The following TRIM48 variants were observed in gnomAD, a reference collection of about 807,000 sequenced individuals.
TRIM48 encodes E3 ubiquitin-protein ligase TRIM48.
TRIM48 carries 31 observed loss-of-function variants against 29.5 expected under a neutral mutation model. The observed-to-expected ratio is 1.05, with a 90% CI of 0.79 to 1.42. TRIM48 has a LOEUF of 1.42. Ranked by LOEUF, TRIM48 falls within the 40% of genes most tolerant of loss-of-function variation. The probability of loss-of-function intolerance (pLI) is 0.00; values close to 1 mark genes in which losing one functional copy is unlikely to be tolerated. For missense variants in TRIM48, 344 were observed against 265.0 expected, an observed-to-expected ratio of 1.30 and a Z score of -2.07; for synonymous variants, 128 against 90.6, an observed-to-expected ratio of 1.41 and a Z score of -2.34.
intron 1 of TRIM48, among the ~76,000 whole-genome samples, chr11:55,263,218 T>C (rs553070150): frequency 5.9e-5 from 9 of 152,306 alleles, no homozygotes; most frequent in African/African-American, 1.2e-4. Context: ...ACCACTGTGT[T>C]ACAATTGCCT....
intron 5 of TRIM48, among the ~76,000 whole-genome samples, chr11:55,270,011 A>G (rs1296973710): frequency 6.8e-6 from 1 of 148,102 alleles, no homozygotes; most frequent in Non-Finnish European, 1.5e-5. Flanking sequence ...ATGGATTTTT[A>G]TCCAGTTATC....
intron 4 of TRIM48, 32 bp downstream of exon 4, chr11:55,268,404 C>T (rs753372413): frequency 6.6e-7 from 1 of 1,526,082 alleles, no homozygotes; most frequent in South Asian, 1.3e-5. Context: ...AGCATATGTT[C>T]TTTCACTTTC....
Position 55,269,235 on chromosome 11 carries a change from C to T in TRIM48, c.579-7C>T, listed in dbSNP as rs767982879. 6.4e-6 allele frequency: 10 copies of T among 1,572,380 alleles called. 1 individual carries two copies. The highest frequency in any genetic ancestry group is 1.2e-5 in the South Asian group (1 of 83,588). ...TAGATGTTGTAACTGCAGGTTTTTC[C>T]TTGCAGGAGTGAGTCCGTGCTGCTG... On this transcript the variant is annotated splice_polypyrimidine_tract_variant and splice_region_variant and intron_variant, in intron 4 of 5. Transcript: ENST00000417545.
intron 3 of TRIM48, among the ~76,000 whole-genome samples, chr11:55,266,013 G>A (rs1424384919): frequency 1.4e-5 from 2 of 147,082 alleles, no homozygotes; most frequent in Non-Finnish European, 3.0e-5. Flanking sequence ...ATAAATGCTG[G>A]GCATAAGAGT....
In TRIM48 at chr11:55,271,053, C is replaced by G; in HGVS notation, c.*618C>G. The G allele has an allele frequency of 7.6e-7, 1 of 1,311,350 alleles. No homozygotes were observed. Among genetic ancestry groups the G allele is most frequent in the Non-Finnish European group, 1.0e-6 (1 of 963,926 alleles). 81.2% of individuals were successfully genotyped at this position (1,311,350 alleles called of 1,614,324 possible). On this transcript the variant is annotated 3_prime_UTR_variant, in exon 6 of 6. Coordinates refer to ENST00000417545, the MANE Select transcript of TRIM48 (RefSeq NM_024114.5). ...AGGTTCGGTTTTATGTCTTGAATTGCATTCTAATGTTATTAAAACTCATTT... is the reference window on the plus strand; with the variant it reads ...AGGTTCGGTTTTATGTCTTGAATTGGATTCTAATGTTATTAAAACTCATTT...
At position 55,270,457 on chromosome 11, in the gene TRIM48, A is replaced by G; in HGVS notation, c.*22A>G. The G allele has an allele frequency of 1.3e-6, 2 of 1,530,476 alleles. No homozygotes were observed. Among genetic ancestry groups the G allele is most frequent in the Non-Finnish European group, 1.8e-6 (2 of 1,126,744 alleles). 94.8% of individuals were successfully genotyped at this position (1,530,476 alleles called of 1,614,324 possible). ...TGCAGTGGATATTACTCTGCATCACAATGAAGCCAACAGTCATATCTTCCG... is the reference window on the plus strand; with the variant it reads ...TGCAGTGGATATTACTCTGCATCACGATGAAGCCAACAGTCATATCTTCCG... On this transcript the variant is annotated 3_prime_UTR_variant, in exon 6 of 6. Transcript: ENST00000417545.
chr11:55,269,865 T>C (rs937113526), intron 5 of TRIM48, among the ~76,000 whole-genome samples: 1 of 147,776 alleles, frequency 6.8e-6, no homozygotes, highest in Non-Finnish European at 1.5e-5. Flanking sequence ...AGAAGTTCAG[T>C]TTAATTGCAA....
Position 55,270,813 on chromosome 11 carries a change from C to G in TRIM48, c.*378C>G. The G allele has an allele frequency of 6.3e-7, 1 of 1,574,840 alleles. No homozygotes were observed. The highest frequency in any genetic ancestry group is 1.2e-5 in the South Asian group (1 of 83,470). On this transcript the variant is annotated 3_prime_UTR_variant, in exon 6 of 6. Coordinates refer to ENST00000417545, the MANE Select transcript of TRIM48 (RefSeq NM_024114.5). ...GACCTACCAACCATGTAGAATTATT[C>G]CTGGATTGTGAAGCTAGAACTGTGA...
intron 3 of TRIM48, among the ~76,000 whole-genome samples, chr11:55,267,180 A>C (rs938931137): frequency 6.8e-6 from 1 of 147,746 alleles, no homozygotes; most frequent in African/African-American, 2.5e-5. Flanking sequence ...TTTATTTCCA[A>C]CTATCTTAGA....
rs538814702 is a variant in TRIM48 at position 55,265,437 on chromosome 11, C to T, written c.459+123C>T. 6.0e-6 allele frequency: 9 copies of T among 1,504,582 alleles called. 1 individual carries two copies. In the African/African-American group the frequency reaches 1.3e-4, roughly 21 times the overall value. 93.2% of individuals were successfully genotyped at this position (1,504,582 alleles called of 1,614,324 possible). A position where few individuals can be genotyped will look rare whatever the true frequency, so the allele number is the denominator to read the frequency against. Reference sequence around the variant, plus strand: ...TTTAAGCAACTCTCTTTTGGGCTTTCTTAGCTTCAAACCTCTGAGATTTGA... The same window carrying T: ...TTTAAGCAACTCTCTTTTGGGCTTTTTTAGCTTCAAACCTCTGAGATTTGA... On this transcript the variant is annotated intron_variant, in intron 2 of 5. Coordinates refer to ENST00000417545, the MANE Select transcript of TRIM48 (RefSeq NM_024114.5).
chr11:55,269,691 T>C (rs1251175186), intron 5 of TRIM48, among the ~76,000 whole-genome samples: 2 of 147,580 alleles, frequency 1.4e-5, no homozygotes, highest in Admixed American at 6.9e-5. Context: ...TGTATTCATT[T>C]GAACAGTTAA....
rs1418092663 is a variant in TRIM48, at chr11:55,268,742, A to G, written c.578+370A>G. 3.9e-4 allele frequency among the ~76,000 whole-genome samples: 57 copies of G among 147,782 alleles called. 2 individuals carry two copies. The highest frequency in any genetic ancestry group is 2.1e-3 in the Admixed American group (30 of 14,560). On this transcript the variant is annotated intron_variant, in intron 4 of 5. Coordinates refer to ENST00000417545, the MANE Select transcript of TRIM48 (RefSeq NM_024114.5). ...ATTTGTTGTTCATACCTATACACATATCAGTTAACAGTTCCGAAAAATAGA... is the reference window on the plus strand; with the variant it reads ...ATTTGTTGTTCATACCTATACACATGTCAGTTAACAGTTCCGAAAAATAGA...
In TRIM48 at chr11:55,270,474, T is replaced by A; in HGVS notation, c.*39T>A. ...TGCATCACAATGAAGCCAACAGTCATATCTTCCGATGTGGAGATTTGAGAA... is the reference window on the plus strand; with the variant it reads ...TGCATCACAATGAAGCCAACAGTCAAATCTTCCGATGTGGAGATTTGAGAA... On this transcript the variant is annotated 3_prime_UTR_variant, in exon 6 of 6. Transcript: ENST00000417545. The A allele has an allele frequency of 6.4e-7, 1 of 1,554,852 alleles. No homozygotes were observed. The highest frequency in any genetic ancestry group is 2.3e-4 in the Middle Eastern group (1 of 4,370).
Position 55,270,440 on chromosome 11 carries a change from A to C in TRIM48, c.*5A>C. 6.8e-7 allele frequency: 1 copy of C among 1,475,288 alleles called. No individual in the cohort carries two copies. The highest frequency in any genetic ancestry group is 9.2e-7 in the Non-Finnish European group (1 of 1,084,520). 91.4% of individuals were successfully genotyped at this position (1,475,288 alleles called of 1,614,324 possible). A position where few individuals can be genotyped will look rare whatever the true frequency, so the allele number is the denominator to read the frequency against. On this transcript the variant is annotated 3_prime_UTR_variant, in exon 6 of 6. Transcript: ENST00000417545. The stretch of plus-strand genomic sequence containing the variant: ...TATTTATTTATTTATTTTGCAGTGG[A>C]TATTACTCTGCATCACAATGAAGCC...
At chr11:55,269,715 G>A (rs1857450963) in intron 5 of TRIM48, among the ~76,000 whole-genome samples, 1 of 147,122 alleles carries the variant, frequency 6.8e-6, no homozygotes, top group Non-Finnish European at 1.5e-5. Context: ...CTGTTCTTTT[G>A]GGGAATATAG....
intron 5 of TRIM48, among the ~76,000 whole-genome samples, 177 bp downstream of exon 5, chr11:55,269,516 A>G (rs1232483596): frequency 6.7e-6 from 1 of 148,274 alleles, no homozygotes; most frequent in Non-Finnish European, 1.5e-5. Context: ...TAGCATTAAG[A>G]TTGAAAGATA....
Position 55,270,845 on chromosome 11 carries a change from T to A in TRIM48, c.*410T>A. On this transcript the variant is annotated 3_prime_UTR_variant, in exon 6 of 6. Transcript: ENST00000417545. ...TGTGAAGCTAGAACTGTGAGCTTCG[T>A]TGATGTTAGTCAAAGCTCCCCTATA... 1.3e-6 allele frequency: 2 copies of A among 1,571,048 alleles called. No homozygotes were observed. The highest frequency in any genetic ancestry group is 1.7e-6 in the Non-Finnish European group (2 of 1,155,374).
rs771208885 is a variant in TRIM48 at position 55,269,206 on chromosome 11, G to A, written c.579-36G>A. The A allele has an allele frequency of 2.6e-6, 4 of 1,562,318 alleles. No individual in the cohort carries two copies. The African/African-American group carries it at 5.5e-5, about 21-fold the overall frequency. ...AGTAGTGATTTTTATTTATTTTATG[G>A]CTGTAGATGTTGTAACTGCAGGTTT... On this transcript the variant is annotated intron_variant, in intron 4 of 5. Transcript: ENST00000417545.
intron 4 of TRIM48, 99 bp from the exon 5 acceptor site, chr11:55,269,143 G>A: frequency 2.1e-6 from 3 of 1,432,910 alleles, no homozygotes; most frequent in Admixed American, 2.2e-5. Context: ...TCAAATTTGT[G>A]GGTTCAAAGG....
Sources: gnomAD v4.1 joint callset for allele counts (sites outside exome capture counted in the v4.1 genomes callset) on GRCh38, gnomAD v4.1.1 for gene constraint, MANE v1.5 for transcripts, NCBI Gene and HGNC (gene_info 2026-07-23, HGNC 2026-07-21) for gene names.